CDH18: variants seen among roughly 807,000 people sequenced by gnomAD.
CDH18 encodes the protein cadherin 18.
CDH18 carries 31 observed loss-of-function variants against 67.9 expected under a neutral mutation model. The observed-to-expected ratio is 0.46, with a 90% confidence interval of 0.34 to 0.62. CDH18 has a LOEUF of 0.62. Ranked by LOEUF, CDH18 falls within the 20% of genes least tolerant of loss-of-function variation. CDH18 has a pLI of 0.01. For missense variants in CDH18, 890 were observed against 975.5 expected, an observed-to-expected ratio of 0.91 and a Z score of 1.17; for synonymous variants, 362 against 347.2, an observed-to-expected ratio of 1.04 and a Z score of -0.48.
At position 20,512,381 on chromosome 5, in the gene CDH18, A is replaced by G. The variant is rs1755090514; in HGVS notation, c.-580+63081T>C. ...TGTTCACATTTTGTTTAGGATTTTT[A>G]TGTATGTTCATGATTGAGTTTGACA... On this transcript the variant is annotated intron_variant, in intron 1 of 14. Transcript: ENST00000507958. 5.3e-5 allele frequency among the ~76,000 whole-genome samples: 8 copies of G among 152,034 alleles called. No homozygotes were observed. The South Asian group carries it at 1.7e-3, about 32-fold the overall frequency.
At position 20,108,775 on chromosome 5, in the gene CDH18, A is replaced by G. The variant is rs111957549; in HGVS notation, c.-517-116761T>C. 6.1e-3 allele frequency among the ~76,000 whole-genome samples: 934 copies of G among 152,226 alleles called. 13 individuals are homozygous for G. Among genetic ancestry groups the G allele is most frequent in the African/African-American group, 0.021 (885 of 41,528 alleles). ...TTATCATCCTTATCATATGTCACAG[A>G]TTTTAACGTGACAGTAAGGTGTGTT... is the stretch of plus-strand genomic sequence containing the variant. On this transcript the variant is annotated intron_variant, in intron 2 of 14. Coordinates refer to the CDH18 transcript ENST00000507958.
In CDH18 at chr5:19,755,427, G is replaced by GTATATATATATATATATATATATATATA. The variant is rs1373982305; in HGVS notation, c.229-8192_229-8191insTATATATATATATATATATATATATATA. On this transcript the variant is annotated intron_variant, in intron 3 of 12. Coordinates refer to ENST00000382275, the MANE Select transcript of CDH18 (RefSeq NM_004934.5). Reference sequence around the variant, plus strand: ...TCTCTAGAGGGACAGAACTAACAGGGTATGTATATATATATATATATATAT... The same window carrying GTATATATATATATATATATATATATATA: ...TCTCTAGAGGGACAGAACTAACAGGGTATATATATATATATATATATATATATATATGTATATATATATATATATATAT... Among the ~76,000 whole-genome samples the GTATATATATATATATATATATATATATA allele has an allele frequency of 9.0e-5, 4 of 44,656 alleles. 2 individuals are homozygous for GTATATATATATATATATATATATATATA. Among genetic ancestry groups the GTATATATATATATATATATATATATATA allele is most frequent in the Non-Finnish European group, 1.9e-4 (4 of 21,434 alleles). 29.3% of individuals were successfully genotyped at this position (44,656 alleles called of 152,430 possible). A position where few individuals can be genotyped will look rare whatever the true frequency, so the allele number is the denominator to read the frequency against.
At chr5:20,568,605 G>A (rs1348902533) in intron 1 of CDH18, among the ~76,000 whole-genome samples, 2 of 144,500 alleles carry the variant, frequency 1.4e-5, no homozygotes, top group Non-Finnish European at 3.0e-5. Flanking sequence ...GGGCATTTCA[G>A]AATATAAATT....
In CDH18 at chr5:19,493,537, G is replaced by GGGGTGTGTGT. The variant is rs1275722116; in HGVS notation, c.1630+9454_1630+9455insACACACACCC. 7.3e-3 allele frequency among the ~76,000 whole-genome samples: 1,084 copies of GGGGTGTGTGT among 148,010 alleles called. 8 individuals carry two copies. Among genetic ancestry groups the GGGGTGTGTGT allele is most frequent in the South Asian group, 0.028 (131 of 4,636 alleles). ...TAAAATGTCAGCCCGAGGGAATTGGGGTGTGTGTGTGTGTGTGTGTGTGTG... is the reference window on the plus strand; with the variant it reads ...TAAAATGTCAGCCCGAGGGAATTGGGGGGTGTGTGTGTGTGTGTGTGTGTGTGTGTGTGTG... On this transcript the variant is annotated intron_variant, in intron 11 of 12. Coordinates refer to ENST00000382275, the MANE Select transcript of CDH18 (RefSeq NM_004934.5).
At chr5:20,455,384 A>G (rs1750768174) in intron 1 of CDH18, among the ~76,000 whole-genome samples, 1 of 152,106 alleles carries the variant, frequency 6.6e-6, no homozygotes, top group African/African-American at 2.4e-5. Flanking sequence ...CAGGGAGACA[A>G]ATTAAAAAGC....
chr5:19,804,567 A>C (rs1777842092), intron 3 of CDH18, among the ~76,000 whole-genome samples: 1 of 152,166 alleles, frequency 6.6e-6, no homozygotes, highest in Admixed American at 6.5e-5. Context: ...TCTACTCTTC[A>C]GGTATATAAG....
chr5:19,939,899 T>C (rs1163453017), intron 2 of CDH18, among the ~76,000 whole-genome samples: 2 of 151,908 alleles, frequency 1.3e-5, no homozygotes, highest in Admixed American at 6.6e-5. Flanking sequence ...TGTGAGGTAA[T>C]AGATAAGAAT....
At chr5:19,968,580 C>T (rs1022323149) in intron 2 of CDH18, among the ~76,000 whole-genome samples, 4 of 150,368 alleles carry the variant, frequency 2.7e-5, no homozygotes, top group Non-Finnish European at 5.9e-5. Context: ...CTGAGAAAAA[C>T]AAGCAACAGG....
intron 9 of CDH18, among the ~76,000 whole-genome samples, chr5:19,523,744 A>G (rs948103828): frequency 6.6e-6 from 1 of 152,142 alleles, no homozygotes; most frequent in African/African-American, 2.4e-5. Flanking sequence ...TAACTTGTAT[A>G]TTCTCATGCT....
intron 3 of CDH18, among the ~76,000 whole-genome samples, chr5:19,816,359 T>A (rs1779284941): frequency 6.6e-6 from 1 of 151,872 alleles, no homozygotes; most frequent in African/African-American, 2.4e-5. Flanking sequence ...ATGGTGTTTT[T>A]AAAATGAAAA....
intron 2 of CDH18, among the ~76,000 whole-genome samples, chr5:20,193,003 G>C (rs925293044): frequency 6.6e-6 from 1 of 151,952 alleles, no homozygotes. Flanking sequence ...TTTTCTATTT[G>C]TTTGTGTCCT....
At chr5:20,210,987 T>A (rs1372598200) in intron 2 of CDH18, among the ~76,000 whole-genome samples, 6 of 152,134 alleles carry the variant, frequency 3.9e-5, no homozygotes, top group African/African-American at 1.4e-4. Flanking sequence ...GATTTGCAAC[T>A]TCATAAGCAC....
chr5:20,574,649 T>C (rs545375943), intron 1 of CDH18, among the ~76,000 whole-genome samples: 1 of 152,202 alleles, frequency 6.6e-6, no homozygotes, highest in African/African-American at 2.4e-5. Context: ...AGCTCATTAT[T>C]TCTAGTCCAA....
At chr5:20,403,020 C>CAA (rs11375333) in intron 1 of CDH18, among the ~76,000 whole-genome samples, 4,694 of 144,108 alleles carry the variant, frequency 0.033, 169 homozygotes, top group African/African-American at 0.089. Flanking sequence ...ACTAAAAATA[C>CAA]AAAAAAAAAA....
chr5:19,929,830 A>G (rs751090221), intron 2 of CDH18, among the ~76,000 whole-genome samples: 2 of 152,100 alleles, frequency 1.3e-5, no homozygotes, highest in Non-Finnish European at 2.9e-5. Context: ...ATATATGTTG[A>G]ACTTTCATTT....
intron 5 of CDH18, among the ~76,000 whole-genome samples, chr5:19,662,035 C>T (rs1366686834): frequency 2.0e-5 from 3 of 151,972 alleles, no homozygotes; most frequent in Non-Finnish European, 4.4e-5. Flanking sequence ...GTTAACATGA[C>T]CGTGCCCATA....
intron 3 of CDH18, among the ~76,000 whole-genome samples, chr5:19,834,014 A>G (rs545434402): frequency 7.2e-5 from 11 of 152,224 alleles, no homozygotes; most frequent in East Asian, 5.8e-4. Context: ...TTTTGGTATC[A>G]GGATGATGCC....
chr5:20,070,616 A>T (rs1743402935), intron 2 of CDH18, among the ~76,000 whole-genome samples: 5 of 152,166 alleles, frequency 3.3e-5, no homozygotes, highest in Admixed American at 3.3e-4. Context: ...GGGAGAAGTA[A>T]AGGATTGCAC....
intron 2 of CDH18, among the ~76,000 whole-genome samples, chr5:20,227,372 C>T (rs747740554): frequency 6.6e-6 from 1 of 152,034 alleles, no homozygotes; most frequent in Admixed American, 6.6e-5. Context: ...ACTCCACAAA[C>T]GTTCTAATAC....
Sources: gnomAD v4.1 joint callset for allele counts (sites outside exome capture counted in the v4.1 genomes callset) on GRCh38, gnomAD v4.1.1 for gene constraint, MANE v1.5 for transcripts, NCBI Gene and HGNC (gene_info 2026-07-23, HGNC 2026-07-21) for gene names.